PEX7: variants seen among roughly 807,000 people sequenced by gnomAD.
PEX7 encodes PTS2 receptor.
A neutral mutation model predicts 47.5 loss-of-function variants in PEX7; 34 were observed. That is an observed-to-expected ratio of 0.72 (90% CI 0.54 to 0.95). The LOEUF (loss-of-function observed/expected upper bound fraction) is 0.95. Ranked by LOEUF, PEX7 falls within the 40% of genes least tolerant of loss-of-function variation. PEX7 has a pLI of 0.00. For missense variants in PEX7, 394 were observed against 400.3 expected, an observed-to-expected ratio of 0.98 and a Z score of 0.13; for synonymous variants, 141 against 148.8, an observed-to-expected ratio of 0.95 and a Z score of 0.38.
chr6:136,854,091 G>C (rs1300420072), intron 5 of PEX7, among the ~76,000 whole-genome samples: 1 of 20,204 alleles, frequency 4.9e-5, no homozygotes, highest in Non-Finnish European at 1.0e-4. Context: ...TTTACGGTTA[G>C]TAAGGCTGAG....
At chr6:136,831,989 A>G (rs571281914) in intron 3 of PEX7, among the ~76,000 whole-genome samples, 1 of 151,982 alleles carries the variant, frequency 6.6e-6, no homozygotes, top group Non-Finnish European at 1.5e-5. Context: ...TCTCCTCACA[A>G]CTCCAGTAGG....
In PEX7 at chr6:136,866,881, G is replaced by A; in HGVS notation, c.633+148G>A. 7 of 718,310 alleles carry A rather than the reference G, an allele frequency of 9.7e-6. No individual in the cohort carries two copies. The South Asian group carries it at 1.1e-4, about 11-fold the overall frequency. 44.5% of individuals were successfully genotyped at this position (718,310 alleles called of 1,614,324 possible). A position where few individuals can be genotyped will look rare whatever the true frequency, so the allele number is the denominator to read the frequency against. ...CCTTTCCTTTCTAATTAATGATTGT[G>A]ACTGACCTGCATTAGCATTAATTGG... On this transcript the variant is annotated intron_variant, in intron 6 of 9. Coordinates refer to ENST00000318471, the MANE Select transcript of PEX7 (RefSeq NM_000288.4).
At chr6:136,865,018 A>C (rs1775034060) in intron 5 of PEX7, among the ~76,000 whole-genome samples, 1 of 152,164 alleles carries the variant, frequency 6.6e-6, no homozygotes. Flanking sequence ...TCTGGATTTT[A>C]TTCATCTTGT....
intron 3 of PEX7, among the ~76,000 whole-genome samples, chr6:136,829,010 T>C (rs1048660860): frequency 6.6e-6 from 1 of 152,252 alleles, no homozygotes; most frequent in African/African-American, 2.4e-5. Context: ...TCTTTTCAAA[T>C]GCACTTTTTG....
intron 3 of PEX7, among the ~76,000 whole-genome samples, chr6:136,836,245 G>A (rs1057122475): frequency 6.6e-6 from 1 of 151,758 alleles, no homozygotes; most frequent in Non-Finnish European, 1.5e-5. Context: ...GAGAGGAATA[G>A]AAGCATATAT....
chr6:136,831,064 CAAT>C (rs1270293854), intron 3 of PEX7, among the ~76,000 whole-genome samples: 1 of 152,024 alleles, frequency 6.6e-6, no homozygotes, highest in Admixed American at 6.6e-5. Context: ...GCTGAGAAGT[CAAT>C]AATGATAGGT....
intron 9 of PEX7, among the ~76,000 whole-genome samples, chr6:136,899,637 C>T (rs1161391793): frequency 2.0e-5 from 3 of 152,146 alleles, no homozygotes; most frequent in Non-Finnish European, 4.4e-5. Flanking sequence ...TCCTCGGCCT[C>T]CCAAAGTGCT....
chr6:136,860,714 AC>A (rs1774946065), intron 5 of PEX7, among the ~76,000 whole-genome samples: 1 of 151,846 alleles, frequency 6.6e-6, no homozygotes, highest in Non-Finnish European at 1.5e-5. Flanking sequence ...AAACCTCCCA[AC>A]CTTTGTTATT....
chr6:136,881,781 C>T (rs1461208912), intron 8 of PEX7, among the ~76,000 whole-genome samples: 1 of 152,132 alleles, frequency 6.6e-6, no homozygotes, highest in Non-Finnish European at 1.5e-5. Context: ...GGCTTTCAGT[C>T]TTACTTTTCT....
At chr6:136,874,946 C>A (rs1423896451) in intron 8 of PEX7, among the ~76,000 whole-genome samples, 3 of 152,036 alleles carry the variant, frequency 2.0e-5, no homozygotes, top group Admixed American at 2.0e-4. Context: ...TCAAGACCAG[C>A]CTGACCAACA....
Position 136,900,427 on chromosome 6 carries a change from G to A in PEX7, c.903+2186G>A. ...TTTAGCCTTTGCCTTTTCCAGCTTG[G>A]CAGTGTGAGCCACAGACTTGGGACC... On this transcript the variant is annotated intron_variant, in intron 9 of 9. Transcript: ENST00000318471. This position sits in a 1 kb window ranked among gnomAD's most constrained non-coding sequence, Gnocchi z 4.2. 2.4e-6 allele frequency: 1 copy of A among 420,254 alleles called. No homozygotes were observed. Among genetic ancestry groups the A allele is most frequent in the Admixed American group, 2.4e-5 (1 of 41,684 alleles). 26.0% of individuals were successfully genotyped at this position (420,254 alleles called of 1,614,324 possible).
intron 8 of PEX7, among the ~76,000 whole-genome samples, chr6:136,893,316 C>T (rs1775589791): frequency 6.6e-6 from 1 of 152,100 alleles, no homozygotes; most frequent in Non-Finnish European, 1.5e-5. Context: ...CTCATGGGCC[C>T]TCTGGTCACA....
chr6:136,877,134 C>T (rs1203409110), intron 8 of PEX7, among the ~76,000 whole-genome samples: 1 of 150,928 alleles, frequency 6.6e-6, no homozygotes, highest in Non-Finnish European at 1.5e-5. Flanking sequence ...ACATTAATAT[C>T]TTCTTTTGAG....
At chr6:136,843,127 G>C (rs745735993) in intron 3 of PEX7, among the ~76,000 whole-genome samples, 1 of 152,132 alleles carries the variant, frequency 6.6e-6, no homozygotes, top group Non-Finnish European at 1.5e-5. Flanking sequence ...CTCACATTGC[G>C]ATTAAAAGTG....
chr6:136,845,627 G>T lies in PEX7; in HGVS notation c.352G>T (p.Asp118Tyr). The change falls in exon 4 of 10, where the codon GAT (aspartate) becomes TAT (tyrosine). Residue 118 changes from aspartate to tyrosine, a missense_variant. Asp to Tyr is a radical substitution (Grantham distance 160, BLOSUM62 -3). Transcript: ENST00000318471. ...TCAATGTTTTTAGGTGTATAGTGTT[G>T]ATTGGAGCCAAACCAGAGGTGAACA... ...KEHAQEVYSV[D>Y]WSQTRGEQLV... 1 of 1,606,022 alleles carries T rather than the reference G, an allele frequency of 6.2e-7. No individual in the cohort carries two copies. The highest frequency in any genetic ancestry group is 8.5e-7 in the Non-Finnish European group (1 of 1,172,662).
chr6:136,912,336 T>G (rs1333962085), intron 9 of PEX7, among the ~76,000 whole-genome samples: 1 of 152,190 alleles, frequency 6.6e-6, no homozygotes, highest in East Asian at 1.9e-4. Flanking sequence ...CTTTTTTTTT[T>G]TCTGAAAGTG....
chr6:136,841,348 T>C (rs1774493196), intron 3 of PEX7, among the ~76,000 whole-genome samples: 1 of 152,148 alleles, frequency 6.6e-6, no homozygotes, highest in Non-Finnish European at 1.5e-5. Flanking sequence ...TCACTGACAG[T>C]CCTCAGGCAC....
At chr6:136,862,851 A>T (rs1774991649) in intron 5 of PEX7, among the ~76,000 whole-genome samples, 1 of 152,118 alleles carries the variant, frequency 6.6e-6, no homozygotes, top group Non-Finnish European at 1.5e-5. Flanking sequence ...AATTGTGTTG[A>T]GGTGTAAGTC....
At chr6:136,907,886 A>G (rs1775870963) in intron 9 of PEX7, among the ~76,000 whole-genome samples, 1 of 152,154 alleles carries the variant, frequency 6.6e-6, no homozygotes, top group Non-Finnish European at 1.5e-5. Context: ...TAAAATCCAC[A>G]TTTATGGGAC....
Sources: gnomAD v4.1 joint callset for allele counts (sites outside exome capture counted in the v4.1 genomes callset) on GRCh38, gnomAD v4.1.1 for gene constraint, Gnocchi (gnomAD v3.1) non-coding constraint, MANE v1.5 for transcripts, NCBI Gene and HGNC (gene_info 2026-07-23, HGNC 2026-07-21) for gene names.